Variants in CDK13 observed in about 807,000 individuals in gnomAD.
The protein encoded by CDK13 is cyclin dependent kinase 13, also known as cyclin-dependent kinase 13.
In CDK13, 40 loss-of-function variants were observed where a neutral mutation model predicts 137.6. The ratio of observed to expected loss-of-function variants is 0.29; its 90% CI spans 0.23 to 0.38. The LOEUF (loss-of-function observed/expected upper bound fraction) is 0.38, where lower values mean the gene tolerates loss of function less well. Among genes scored for constraint, CDK13 ranks in the 10% least tolerant of loss-of-function variants. The probability of loss-of-function intolerance (pLI) is 1.00; values close to 1 mark genes in which losing one functional copy is unlikely to be tolerated. For synonymous variants in CDK13, 869 were observed against 760.1 expected, an observed-to-expected ratio of 1.14 and a Z score of -2.36; for missense variants, 1,704 against 1,951.8, an observed-to-expected ratio of 0.87 and a Z score of 2.39.
intron 10 of CDK13, chr7:40,078,359 T>G: frequency 2.8e-6 from 1 of 358,266 alleles, no homozygotes; most frequent in Admixed American, 4.6e-5. Flanking sequence ...AATAAGATCA[T>G]TTAAATGTTA....
At chr7:39,956,472 A>T (rs935152541) in intron 1 of CDK13, among the ~76,000 whole-genome samples, 1 of 152,146 alleles carries the variant, frequency 6.6e-6, no homozygotes, top group Non-Finnish European at 1.5e-5. Flanking sequence ...TACTGTGAAC[A>T]TTCTTCTCGT....
At chr7:40,026,479 C>T (rs956773431) in intron 5 of CDK13, among the ~76,000 whole-genome samples, 4 of 152,208 alleles carry the variant, frequency 2.6e-5, no homozygotes, top group African/African-American at 7.2e-5. Context: ...CAGCACTGCA[C>T]TCCAGCCTGG....
intron 7 of CDK13, among the ~76,000 whole-genome samples, chr7:40,052,009 G>A (rs1056029119): frequency 6.6e-6 from 1 of 152,010 alleles, no homozygotes; most frequent in Non-Finnish European, 1.5e-5. Context: ...CAGCTACAAT[G>A]TTTCCCTCTT....
chr7:40,038,480 A>C (rs559191691), intron 5 of CDK13, among the ~76,000 whole-genome samples: 1 of 152,208 alleles, frequency 6.6e-6, no homozygotes, highest in Admixed American at 6.5e-5. Flanking sequence ...TTTTTGGTAC[A>C]AGTTCCTAGA....
At chr7:40,003,811 C>T (rs1470806515) in intron 5 of CDK13, among the ~76,000 whole-genome samples, 1 of 152,180 alleles carries the variant, frequency 6.6e-6, no homozygotes, top group African/African-American at 2.4e-5. Context: ...TACCCACACA[C>T]TCATTCACAC....
chr7:40,011,100 C>G (rs1177108340), intron 5 of CDK13, among the ~76,000 whole-genome samples: 1 of 152,116 alleles, frequency 6.6e-6, no homozygotes, highest in Non-Finnish European at 1.5e-5. Flanking sequence ...AACACAATTC[C>G]TATCAAATCT....
intron 5 of CDK13, among the ~76,000 whole-genome samples, chr7:40,045,022 T>G (rs909321084): frequency 1.3e-5 from 2 of 152,214 alleles, no homozygotes; most frequent in African/African-American, 4.8e-5. Flanking sequence ...AATAAACTTT[T>G]AAGAAAGACT....
At chr7:40,023,989 A>T (rs1785184776) in intron 5 of CDK13, among the ~76,000 whole-genome samples, 1 of 152,172 alleles carries the variant, frequency 6.6e-6, no homozygotes, top group East Asian at 1.9e-4. Context: ...TAAATAGAAG[A>T]TATTGCTTCA....
At chr7:40,086,310 T>C (rs538144039) in intron 11 of CDK13, among the ~76,000 whole-genome samples, 1 of 152,318 alleles carries the variant, frequency 6.6e-6, no homozygotes, top group Non-Finnish European at 1.5e-5. Context: ...AAATTCCAGG[T>C]GTACCCTCTT....
chr7:39,950,832 C>G lies in CDK13; in HGVS notation c.191C>G (p.Pro64Arg), dbSNP rs1188367652. ...CCGCCTCTGCTCTTCCTGGCTGCTC[C>G]CGGCACGGCCGCCGCCGCAGCCGCC... ...PPPPLLFLAA[P>R]GTAAAAAAAA... is the part of the protein sequence containing the mutation. Residue 64 changes from proline to arginine, a missense_variant, in exon 1 of 14, where the codon CCC becomes CGC. Coordinates refer to ENST00000181839, the MANE Select transcript of CDK13 (RefSeq NM_003718.5). 1 of 1,390,076 alleles carries G rather than the reference C, an allele frequency of 7.2e-7. No homozygotes were observed. Among genetic ancestry groups the G allele is most frequent in the East Asian group, 3.0e-5 (1 of 32,910 alleles). The allele number at this position is 1,390,076 out of a possible 1,614,324, so 86.1% of individuals were successfully genotyped here. A position where few individuals can be genotyped will look rare whatever the true frequency, so the allele number is the denominator to read the frequency against.
intron 1 of CDK13, among the ~76,000 whole-genome samples, chr7:39,970,317 T>C (rs1783969507): frequency 6.6e-6 from 1 of 152,040 alleles, no homozygotes; most frequent in Non-Finnish European, 1.5e-5. Context: ...ATGCATTTTA[T>C]GTCCAAAAAA....
intron 5 of CDK13, among the ~76,000 whole-genome samples, chr7:40,039,307 C>T (rs1420798122): frequency 1.3e-5 from 2 of 152,036 alleles, no homozygotes; most frequent in Non-Finnish European, 2.9e-5. Context: ...GTTGCCCAGG[C>T]TGGAGTGCAG....
chr7:40,011,868 T>G (rs1256274271), intron 5 of CDK13, among the ~76,000 whole-genome samples: 1 of 152,220 alleles, frequency 6.6e-6, no homozygotes, highest in African/African-American at 2.4e-5. Context: ...GGGGAAGATA[T>G]TTGTATATTG....
At chr7:39,952,508 CATAATT>C (rs1787262248) in intron 1 of CDK13, 1 of 152,090 alleles carries the variant, frequency 6.6e-6, no homozygotes, top group Admixed American at 6.6e-5. Flanking sequence ...CTTTCAAAGT[CATAATT>C]ATAGAAGGTA....
intron 9 of CDK13, among the ~76,000 whole-genome samples, chr7:40,066,352 TATTAG>T (rs1786278922): frequency 1.3e-5 from 2 of 152,352 alleles, no homozygotes; most frequent in African/African-American, 4.8e-5. Context: ...TGAAGAGTCT[TATTAG>T]ATTAATTGAT....
chr7:39,983,417 G>T (rs750214459), intron 1 of CDK13, among the ~76,000 whole-genome samples: 1 of 152,054 alleles, frequency 6.6e-6, no homozygotes, highest in Non-Finnish European at 1.5e-5. Context: ...AACTGCGCCC[G>T]GCCCCAAAAT....
intron 1 of CDK13, among the ~76,000 whole-genome samples, chr7:39,981,357 A>T (rs1269329513): frequency 6.7e-6 from 1 of 149,992 alleles, no homozygotes; most frequent in Non-Finnish European, 1.5e-5. Context: ...CGAAAAAGTG[A>T]GAGACCCTGT....
At chr7:39,961,679 A>T (rs974654344) in intron 1 of CDK13, among the ~76,000 whole-genome samples, 42 of 151,538 alleles carry the variant, frequency 2.8e-4, no homozygotes, top group African/African-American at 9.0e-4. Flanking sequence ...GTACATGTGC[A>T]CAACGTGCAG....
At chr7:40,011,428 A>G (rs1211048885) in intron 5 of CDK13, among the ~76,000 whole-genome samples, 1 of 152,228 alleles carries the variant, frequency 6.6e-6, no homozygotes, top group Non-Finnish European at 1.5e-5. Flanking sequence ...TGGTACTGGC[A>G]TTATGATAAA....
Sources: allele counts gnomAD v4.1 joint callset (sites outside exome capture counted in the v4.1 genomes callset), GRCh38; gene constraint gnomAD v4.1.1; transcripts MANE v1.5; gene names NCBI Gene and HGNC (gene_info 2026-07-23, HGNC 2026-07-21).